Variants in INSL6 observed in about 807,000 individuals in gnomAD.
INSL6 encodes insulin like 6.
INSL6 carries 16 observed loss-of-function variants against 9.4 expected under a neutral mutation model. The ratio of observed to expected loss-of-function variants is 1.70; its 90% CI spans 1.15 to 2.59. The LOEUF is 2.59. INSL6 is among the 30% of genes most tolerant of loss of function. INSL6 has a pLI of 0.00. For synonymous variants in INSL6, 154 were observed against 96.9 expected (o/e 1.59, Z -3.46); for missense variants, 391 against 257.3 (o/e 1.52, Z -3.56).
chr9:5,068,597 G>A, the INSL6 span, among the ~76,000 whole-genome samples: 5 of 152,324 alleles, frequency 3.3e-5, no homozygotes, highest in African/African-American at 7.2e-5. Flanking sequence ...CATGGCATTT[G>A]CTTGAAATGA....
the INSL6 span, among the ~76,000 whole-genome samples, chr9:5,040,326 A>G: frequency 6.6e-6 from 1 of 152,092 alleles, no homozygotes; most frequent in Admixed American, 6.5e-5. Flanking sequence ...TCATAGGCCT[A>G]TATATGAGAG....
intron 2 of INSL6, among the ~76,000 whole-genome samples, chr9:5,137,972 T>A (rs201239791): frequency 1.5e-5 from 1 of 68,926 alleles, no homozygotes; most frequent in Admixed American, 1.4e-4. Context: ...CCAAAAAACA[T>A]ATGAAACAAA....
chr9:5,175,964 T>C (rs1221026989), intron 1 of INSL6, among the ~76,000 whole-genome samples: 5 of 152,162 alleles, frequency 3.3e-5, no homozygotes, highest in African/African-American at 1.2e-4. Flanking sequence ...CATCTGAAAA[T>C]CATTCCCCTC....
the INSL6 span, among the ~76,000 whole-genome samples, chr9:4,999,302 C>G: frequency 6.6e-6 from 1 of 152,150 alleles, no homozygotes; most frequent in African/African-American, 2.4e-5. Context: ...GTGAAAGAAT[C>G]ATGACATTGT....
the INSL6 span, chr9:5,081,750 C>G: frequency 6.3e-7 from 1 of 1,597,318 alleles, no homozygotes; most frequent in Non-Finnish European, 8.6e-7. Flanking sequence ...CAGAAAATGA[C>G]ATGTTACCAA....
At chr9:4,998,233 A>C in the INSL6 span, among the ~76,000 whole-genome samples, 1 of 152,064 alleles carries the variant, frequency 6.6e-6, no homozygotes, top group Non-Finnish European at 1.5e-5. Context: ...ATGAGATCTT[A>C]AGGGAAAAAA....
the INSL6 span, among the ~76,000 whole-genome samples, chr9:5,076,230 G>A: frequency 6.6e-6 from 1 of 152,204 alleles, no homozygotes; most frequent in Non-Finnish European, 1.5e-5. Context: ...AAACTTGATT[G>A]ATCAAGCAGT....
intron 3 of INSL6, chr9:5,126,907 A>T: frequency 1.9e-6 from 1 of 528,748 alleles, no homozygotes; most frequent in Non-Finnish European, 3.2e-6. Context: ...GATGCTAGCC[A>T]GCAAAGATGT....
chr9:5,031,570 T>G, the INSL6 span, among the ~76,000 whole-genome samples: 1 of 152,196 alleles, frequency 6.6e-6, no homozygotes, highest in Non-Finnish European at 1.5e-5. Flanking sequence ...AATTATAGAT[T>G]GATTAAAGAT....
At chr9:5,043,765 A>G in the INSL6 span, among the ~76,000 whole-genome samples, 2 of 152,268 alleles carry the variant, frequency 1.3e-5, no homozygotes. Flanking sequence ...TAATTTGGCA[A>G]TAAAAGGAAA....
chr9:5,156,050 C>T (rs1354317448), intron 2 of INSL6, among the ~76,000 whole-genome samples: 1 of 152,032 alleles, frequency 6.6e-6, no homozygotes, highest in African/African-American at 2.4e-5. Context: ...ATCCTATAGA[C>T]ATTTAAAGGA....
chr9:5,016,789 AC>A, the INSL6 span, among the ~76,000 whole-genome samples: 1 of 152,136 alleles, frequency 6.6e-6, no homozygotes, highest in Non-Finnish European at 1.5e-5. Context: ...CATTATCCTA[AC>A]TTTTTTTCAC....
chr9:5,121,966 G>C (rs1220500866), downstream of INSL6, among the ~76,000 whole-genome samples: 2 of 152,036 alleles, frequency 1.3e-5, no homozygotes, highest in Non-Finnish European at 2.9e-5. Context: ...ACATACATTT[G>C]ATAATAACAT....
At position 5,126,420 on chromosome 9, in the gene INSL6, C is replaced by T. The variant is rs770472387; in HGVS notation, c.*11-1909G>A. ...ACTTTTGAAGAATAATGGAAGATTA[C>T]CAAGACCAGATGGATGCCCAGATGA... On this transcript the variant is annotated intron_variant, in intron 3 of 3. Transcript: ENST00000649639. The T allele has an allele frequency of 8.7e-6, 14 of 1,609,382 alleles. 1 individual carries two copies. In the South Asian group the frequency reaches 1.4e-4, roughly 16 times the overall value.
the INSL6 span, chr9:5,050,797 G>A: frequency 3.7e-6 from 6 of 1,613,560 alleles, no homozygotes; most frequent in Admixed American, 1.7e-5. Flanking sequence ...CAAAGAAAAC[G>A]ATCAAACCCC....
intron 1 of INSL6, among the ~76,000 whole-genome samples, chr9:5,168,669 T>C (rs1825110969): frequency 1.3e-5 from 2 of 151,750 alleles, no homozygotes; most frequent in Non-Finnish European, 1.5e-5. Flanking sequence ...CAGTATATCA[T>C]CCAGGAGAAT....
intron 2 of INSL6, among the ~76,000 whole-genome samples, chr9:5,133,844 G>C (rs1376485045): frequency 6.6e-6 from 1 of 151,876 alleles, no homozygotes; most frequent in Non-Finnish European, 1.5e-5. Context: ...CTGAGAATGA[G>C]GTTGATGAAT....
chr9:5,179,412 T>G (rs1200867110), intron 1 of INSL6, among the ~76,000 whole-genome samples: 1 of 152,138 alleles, frequency 6.6e-6, no homozygotes, highest in Non-Finnish European at 1.5e-5. Context: ...TTGGTAGGGT[T>G]CAACCATTGT....
chr9:5,137,693 C>T (rs552471575), intron 2 of INSL6, among the ~76,000 whole-genome samples: 2 of 152,106 alleles, frequency 1.3e-5, no homozygotes, highest in African/African-American at 4.8e-5. Context: ...GACTTCATGA[C>T]TAAAACACCA....
Sources: gnomAD v4.1 joint callset for allele counts (sites outside exome capture counted in the v4.1 genomes callset) on GRCh38, gnomAD v4.1.1 for gene constraint, MANE v1.5 for transcripts, NCBI Gene and HGNC (gene_info 2026-07-23, HGNC 2026-07-21) for gene names.